Variants in ATRNL1 observed in about 807,000 individuals in gnomAD.
ATRNL1 encodes the protein attractin-like protein 1.
ATRNL1 carries 95 observed loss-of-function variants against 182.7 expected under a neutral mutation model. The observed-to-expected ratio is 0.52, with a 90% CI of 0.44 to 0.62. The LOEUF is 0.62. Among genes scored for constraint, ATRNL1 ranks in the 20% least tolerant of loss-of-function variants. The pLI, the probability that ATRNL1 is intolerant of heterozygous loss-of-function variation, is 0.00. For missense variants in ATRNL1, 1,471 were observed against 1,679.5 expected, an observed-to-expected ratio of 0.88 and a Z score of 2.17; for synonymous variants, 576 against 568.3, an observed-to-expected ratio of 1.01 and a Z score of -0.19.
intron 28 of ATRNL1, among the ~76,000 whole-genome samples, chr10:115,936,817 T>A (rs1953575497): frequency 6.6e-6 from 1 of 152,172 alleles, no homozygotes; most frequent in South Asian, 2.1e-4. Flanking sequence ...GGGGGTTTTT[T>A]TAATTGAAAG....
chr10:115,809,879 A>G (rs1593245522), intron 27 of ATRNL1, among the ~76,000 whole-genome samples: 1 of 139,220 alleles, frequency 7.2e-6, no homozygotes, highest in Non-Finnish European at 1.5e-5. Context: ...TTCATATATT[A>G]GGGGGAAACA....
chr10:115,357,768 G>A (rs1856565034), intron 19 of ATRNL1, among the ~76,000 whole-genome samples: 1 of 151,590 alleles, frequency 6.6e-6, no homozygotes, highest in East Asian at 1.9e-4. Flanking sequence ...TTGCTTAACA[G>A]TACAGCCTAT....
intron 1 of ATRNL1, among the ~76,000 whole-genome samples, chr10:115,102,752 A>G (rs1203374324): frequency 2.0e-5 from 3 of 152,208 alleles, no homozygotes; most frequent in Non-Finnish European, 1.5e-5. Context: ...TTGAAGTTAG[A>G]TAATGAGATT....
At chr10:115,699,148 T>A (rs10885771) in intron 26 of ATRNL1, among the ~76,000 whole-genome samples, 57,408 of 151,890 alleles carry the variant, frequency 0.38, 11,805 homozygotes, top group East Asian at 0.65. Flanking sequence ...GAGGAATAGC[T>A]ACTTTATGGA....
At chr10:115,902,834 G>T (rs1555113797) in intron 28 of ATRNL1, among the ~76,000 whole-genome samples, 1 of 152,210 alleles carries the variant, frequency 6.6e-6, no homozygotes, top group African/African-American at 2.4e-5. Context: ...GGTCTTTGCT[G>T]CAGTGGAGTC....
intron 24 of ATRNL1, among the ~76,000 whole-genome samples, chr10:115,471,312 T>C (rs1450899580): frequency 2.0e-5 from 3 of 150,966 alleles, no homozygotes; most frequent in Non-Finnish European, 3.0e-5. Context: ...AATGTGAGAG[T>C]GCAGCTGTAT....
chr10:115,532,208 C>G (rs1165743122), intron 25 of ATRNL1, among the ~76,000 whole-genome samples: 7 of 152,028 alleles, frequency 4.6e-5, no homozygotes, highest in Non-Finnish European at 1.0e-4. Flanking sequence ...GAATCTATAA[C>G]TTACCTTGGG....
chr10:115,342,444 A>G (rs1321315016), intron 19 of ATRNL1, among the ~76,000 whole-genome samples: 2 of 152,152 alleles, frequency 1.3e-5, no homozygotes, highest in Non-Finnish European at 2.9e-5. Context: ...CACTGTTTGC[A>G]TAAACAAACA....
chr10:115,531,739 T>G (rs1223563630), intron 25 of ATRNL1, among the ~76,000 whole-genome samples: 2 of 150,996 alleles, frequency 1.3e-5, no homozygotes, highest in Non-Finnish European at 3.0e-5. Flanking sequence ...CTAGGTTTTC[T>G]TCTAGGGTTT....
intron 19 of ATRNL1, among the ~76,000 whole-genome samples, chr10:115,368,127 G>A (rs1366396823): frequency 1.3e-5 from 2 of 152,162 alleles, no homozygotes; most frequent in Admixed American, 6.5e-5. Flanking sequence ...CCCCAGGCTC[G>A]CTGCTGCCTT....
At chr10:115,614,606 A>G (rs113203121) in intron 26 of ATRNL1, among the ~76,000 whole-genome samples, 6 of 152,210 alleles carry the variant, frequency 3.9e-5, no homozygotes, top group African/African-American at 1.4e-4. Context: ...AATCTGTCCA[A>G]TGCTGAAAGT....
intron 26 of ATRNL1, among the ~76,000 whole-genome samples, chr10:115,645,132 A>T (rs1555031773): frequency 6.6e-6 from 1 of 152,046 alleles, no homozygotes; most frequent in Non-Finnish European, 1.5e-5. Flanking sequence ...TCTGAAGCAC[A>T]CTTAAGGTTT....
chr10:115,353,705 CTTTTTA>C (rs1856374552), intron 19 of ATRNL1, among the ~76,000 whole-genome samples: 1 of 151,928 alleles, frequency 6.6e-6, no homozygotes, highest in East Asian at 1.9e-4. Context: ...TAATTCCTTG[CTTTTTA>C]TTTTTTCAAT....
chr10:115,936,171 C>G (rs1482671566), intron 28 of ATRNL1, among the ~76,000 whole-genome samples: 3 of 152,212 alleles, frequency 2.0e-5, no homozygotes, highest in Non-Finnish European at 2.9e-5. Context: ...CTACTATTTC[C>G]TATTTGACTT....
rs1554943519 is a variant in ATRNL1 at position 115,358,892 on chromosome 10, A to G, written c.3175+24473A>G. Among the ~76,000 whole-genome samples, 3 of 151,820 alleles carry G rather than the reference A, an allele frequency of 2.0e-5. No homozygotes were observed. In the East Asian group the frequency reaches 5.8e-4, roughly 29 times the overall value. ...ATTATTATTTAGCCTTGACTGTTAC[A>G]TTAGCTTCTAAACAGATCTTTTAAT... On this transcript the variant is annotated intron_variant, in intron 19 of 28. Transcript: ENST00000355044.
At chr10:115,188,282 A>G (rs1848033563) in intron 8 of ATRNL1, among the ~76,000 whole-genome samples, 1 of 152,148 alleles carries the variant, frequency 6.6e-6, no homozygotes, top group Middle Eastern at 3.2e-3. Context: ...GTTATGTGGA[A>G]TATATGTTTA....
chr10:115,129,753 G>T (rs1554874658), intron 5 of ATRNL1, among the ~76,000 whole-genome samples: 1 of 152,132 alleles, frequency 6.6e-6, no homozygotes, highest in East Asian at 1.9e-4. Flanking sequence ...CTACTTTGAA[G>T]ATCAAATGAA....
intron 5 of ATRNL1, among the ~76,000 whole-genome samples, chr10:115,144,051 C>A (rs1845865771): frequency 6.7e-6 from 1 of 149,920 alleles, no homozygotes. Context: ...GCTATCTTGG[C>A]TCACTGCAAC....
intron 5 of ATRNL1, among the ~76,000 whole-genome samples, chr10:115,137,906 C>A (rs1394702017): frequency 2.0e-5 from 3 of 152,202 alleles, no homozygotes; most frequent in South Asian, 2.1e-4. Flanking sequence ...AGGCAAGTCC[C>A]TTCTGCCTGT....
Sources: gnomAD v4.1 joint callset for allele counts (sites outside exome capture counted in the v4.1 genomes callset) on GRCh38, gnomAD v4.1.1 for gene constraint, MANE v1.5 for transcripts, NCBI Gene and HGNC (gene_info 2026-07-23, HGNC 2026-07-21) for gene names.